ARHGAP26: variants seen among roughly 807,000 people sequenced by gnomAD.
ARHGAP26 encodes the protein rho GTPase-activating protein 26.
A neutral mutation model predicts 104.8 loss-of-function variants in ARHGAP26; 38 were observed. The ratio of observed to expected loss-of-function variants is 0.36; its 90% CI spans 0.28 to 0.48. ARHGAP26 has a LOEUF of 0.48. ARHGAP26 is among the 20% of genes least tolerant of loss of function. The pLI is 0.99. For synonymous variants in ARHGAP26, 341 were observed against 340.0 expected, an observed-to-expected ratio of 1.00 and a Z score of -0.03; for missense variants, 704 against 947.9, an observed-to-expected ratio of 0.74 and a Z score of 3.38.
chr5:142,919,722 C>T (rs1176329457), intron 10 of ARHGAP26, among the ~76,000 whole-genome samples: 3 of 151,914 alleles, frequency 2.0e-5, no homozygotes, highest in Admixed American at 6.5e-5. Context: ...TTTGGCCTAG[C>T]GTGATGACTC....
At chr5:143,146,008 A>G (rs1325252731) in intron 19 of ARHGAP26, among the ~76,000 whole-genome samples, 1 of 152,200 alleles carries the variant, frequency 6.6e-6, no homozygotes, top group Non-Finnish European at 1.5e-5. Context: ...CCTTTAAATT[A>G]TCATACCAGT....
chr5:142,874,383 C>G (rs1366102095), intron 2 of ARHGAP26, among the ~76,000 whole-genome samples: 1 of 152,124 alleles, frequency 6.6e-6, no homozygotes, highest in East Asian at 1.9e-4. Context: ...TATTGAGTTC[C>G]TGTTGCCATG....
chr5:143,113,362 T>C (rs1795000592), intron 17 of ARHGAP26, among the ~76,000 whole-genome samples: 1 of 152,208 alleles, frequency 6.6e-6, no homozygotes, highest in African/African-American at 2.4e-5. Context: ...TGTAGCCATG[T>C]GTTTCCCCAG....
chr5:143,120,641 A>G (rs1455067574), intron 17 of ARHGAP26, among the ~76,000 whole-genome samples: 1 of 152,246 alleles, frequency 6.6e-6, no homozygotes, highest in Non-Finnish European at 1.5e-5. Flanking sequence ...TGCCAAGTAC[A>G]TAAATTGTAA....
At chr5:143,027,563 T>C (rs901464701) in intron 12 of ARHGAP26, among the ~76,000 whole-genome samples, 7 of 152,138 alleles carry the variant, frequency 4.6e-5, no homozygotes, top group African/African-American at 1.7e-4. Flanking sequence ...ATTTTTTACC[T>C]CAGTTTATTT....
At chr5:143,052,385 G>T (rs1293235117) in intron 14 of ARHGAP26, among the ~76,000 whole-genome samples, 4 of 151,894 alleles carry the variant, frequency 2.6e-5, no homozygotes, top group Non-Finnish European at 5.9e-5. Context: ...CAGGAGAATC[G>T]CTTGAACCCA....
At chr5:142,894,414 A>C (rs1562032852) in intron 6 of ARHGAP26, 66 bp downstream of exon 6, 2 of 1,425,122 alleles carry the variant, frequency 1.4e-6, no homozygotes, top group African/African-American at 2.8e-5. Flanking sequence ...CTAGTAGTAG[A>C]TTACAAAATG....
At chr5:143,137,792 C>A (rs1798064146) in intron 19 of ARHGAP26, among the ~76,000 whole-genome samples, 1 of 152,226 alleles carries the variant, frequency 6.6e-6, no homozygotes, top group Non-Finnish European at 1.5e-5. Context: ...GTATTTCCCT[C>A]AAAGAGACTC....
chr5:142,882,606 C>A (rs1235406557), intron 4 of ARHGAP26, among the ~76,000 whole-genome samples: 1 of 152,138 alleles, frequency 6.6e-6, no homozygotes, highest in Admixed American at 6.5e-5. Context: ...GCACACAGGA[C>A]ATGGAAAGCA....
chr5:143,223,605 G>C lies in ARHGAP26; in HGVS notation c.*1159G>C. On this transcript the variant is annotated 3_prime_UTR_variant, in exon 23 of 23. Transcript: ENST00000645722. The stretch of plus-strand genomic sequence containing the variant: ...CCCCCTTGCCCTACTCTGGGCTGCT[G>C]AACACTGGTGCTGTGGTGGTTTTCA... 1 of 232,104 alleles carries C rather than the reference G, an allele frequency of 4.3e-6. No individual in the cohort carries two copies. Among genetic ancestry groups the C allele is most frequent in the Non-Finnish European group, 8.5e-6 (1 of 117,052 alleles). 14.4% of individuals were successfully genotyped at this position (232,104 alleles called of 1,614,324 possible). A position where few individuals can be genotyped will look rare whatever the true frequency, so the allele number is the denominator to read the frequency against.
chr5:143,140,635 G>T (rs764413370), intron 19 of ARHGAP26, among the ~76,000 whole-genome samples: 29 of 152,050 alleles, frequency 1.9e-4, no homozygotes, highest in Admixed American at 3.9e-4. Context: ...CCAAAAGAGA[G>T]GCCCATATGT....
intron 1 of ARHGAP26, among the ~76,000 whole-genome samples, chr5:142,781,283 G>T (rs1757448886): frequency 6.6e-6 from 1 of 152,106 alleles, no homozygotes; most frequent in Non-Finnish European, 1.5e-5. Context: ...TTTGAAAAAA[G>T]TCTACTCATT....
chr5:142,849,492 A>G (rs916054913), intron 1 of ARHGAP26, among the ~76,000 whole-genome samples: 8 of 152,136 alleles, frequency 5.3e-5, no homozygotes, highest in Non-Finnish European at 1.2e-4. Context: ...TCCTCCATTG[A>G]CAGTGTGCTC....
At chr5:142,937,896 A>C (rs762509136) in intron 11 of ARHGAP26, among the ~76,000 whole-genome samples, 1 of 152,158 alleles carries the variant, frequency 6.6e-6, no homozygotes, top group Non-Finnish European at 1.5e-5. Context: ...GTAGGAAGCA[A>C]CTATAAAGGG....
intron 18 of ARHGAP26, among the ~76,000 whole-genome samples, chr5:143,127,832 A>C (rs1019990028): frequency 7.2e-5 from 11 of 152,212 alleles, no homozygotes; most frequent in African/African-American, 2.7e-4. Flanking sequence ...TATTTCTTTG[A>C]TATTTCAAAC....
chr5:142,952,153 C>G, intron 11 of ARHGAP26, among the ~76,000 whole-genome samples: 1 of 152,186 alleles, frequency 6.6e-6, no homozygotes, highest in East Asian at 1.9e-4. Flanking sequence ...CCTCCAGATC[C>G]TTAATTACAC....
At position 143,115,754 on chromosome 5, in the gene ARHGAP26, A is replaced by G. The variant is rs740573; in HGVS notation, c.1539-5234A>G. 4.8e-3 allele frequency among the ~76,000 whole-genome samples: 727 copies of G among 152,286 alleles called. 7 individuals are homozygous for G. The highest frequency in any genetic ancestry group is 0.017 in the African/African-American group (689 of 41,540). On this transcript the variant is annotated intron_variant, in intron 17 of 22. Transcript: ENST00000645722. ...CAAGTTTACAAGCTACAAGCTACATATTATTGCTCCCATTTTATATGTGAG... is the reference window on the plus strand; with the variant it reads ...CAAGTTTACAAGCTACAAGCTACATGTTATTGCTCCCATTTTATATGTGAG...
intron 13 of ARHGAP26, among the ~76,000 whole-genome samples, chr5:143,039,014 C>T (rs1783068620): frequency 1.3e-5 from 2 of 151,842 alleles, no homozygotes; most frequent in Admixed American, 1.3e-4. Context: ...GTGAAAAATG[C>T]AAGTTACAAA....
intron 12 of ARHGAP26, among the ~76,000 whole-genome samples, chr5:143,023,745 A>G (rs1055942978): frequency 1.3e-5 from 2 of 152,188 alleles, no homozygotes; most frequent in Non-Finnish European, 2.9e-5. Flanking sequence ...CTGGCCGCCT[A>G]TGCACTGGCC....
Sources: allele counts gnomAD v4.1 joint callset (sites outside exome capture counted in the v4.1 genomes callset), GRCh38; gene constraint gnomAD v4.1.1; transcripts MANE v1.5; gene names NCBI Gene and HGNC (gene_info 2026-07-23, HGNC 2026-07-21).